Variants in FARSB observed in about 807,000 individuals in gnomAD.
FARSB encodes the protein phenylalanyl-tRNA synthetase subunit beta, also known as phenylalanine--tRNA ligase beta subunit.
Under a neutral mutation model 69.6 loss-of-function variants are expected in FARSB, and 40 were observed. The ratio of observed to expected loss-of-function variants is 0.57; its 90% CI spans 0.45 to 0.75. FARSB has a LOEUF of 0.75. Among genes scored for constraint, FARSB ranks in the 30% least tolerant of loss-of-function variants. The pLI is 0.00. For synonymous variants in FARSB, 235 were observed against 247.2 expected, an observed-to-expected ratio of 0.95 and a Z score of 0.46; for missense variants, 632 against 722.9, an observed-to-expected ratio of 0.87 and a Z score of 1.44.
chr2:222,639,713 A>T lies in FARSB; in HGVS notation c.340-18T>A, dbSNP rs768054882. ...TTAGCTGTCTGAAATTCATAATATC[A>T]TTAGAGATAGCAAACAGTAAGGCTT... On this transcript the variant is annotated intron_variant, in intron 4 of 16. Transcript: ENST00000281828. 1.9e-5 allele frequency: 24 copies of T among 1,234,142 alleles called. No individual in the cohort carries two copies. Among genetic ancestry groups the T allele is most frequent in the Non-Finnish European group, 2.7e-5 (23 of 865,358 alleles). 76.4% of individuals were successfully genotyped at this position (1,234,142 alleles called of 1,614,324 possible).
intron 14 of FARSB, among the ~76,000 whole-genome samples, chr2:222,614,615 TAGG>T (rs1690949981): frequency 1.3e-5 from 2 of 151,950 alleles, no homozygotes; most frequent in Admixed American, 1.3e-4. Flanking sequence ...GAAGCCGAGG[TAGG>T]AGGAACACTT....
chr2:222,635,648 C>T (rs572088065), intron 5 of FARSB, among the ~76,000 whole-genome samples: 52 of 152,146 alleles, frequency 3.4e-4, no homozygotes, highest in Admixed American at 1.0e-3. Flanking sequence ...AACAGTACCT[C>T]AAAACATCAC....
chr2:222,575,574 C>T (rs995148442), intron 16 of FARSB, among the ~76,000 whole-genome samples: 1 of 152,252 alleles, frequency 6.6e-6, no homozygotes, highest in Admixed American at 6.5e-5. Context: ...TTTCTACCTA[C>T]TTCCTTATAC....
At chr2:222,606,803 T>C (rs1690713866) in intron 15 of FARSB, among the ~76,000 whole-genome samples, 1 of 152,208 alleles carries the variant, frequency 6.6e-6, no homozygotes, top group Admixed American at 6.5e-5. Flanking sequence ...TATGTTATCA[T>C]ACATGGCACA....
At position 222,624,495 on chromosome 2, in the gene FARSB, A is replaced by G. The variant is rs926482139; in HGVS notation, c.963-16T>C. 7 of 1,529,458 alleles carry G rather than the reference A, an allele frequency of 4.6e-6. No individual in the cohort carries two copies. Among genetic ancestry groups the G allele is most frequent in the Non-Finnish European group, 6.3e-6 (7 of 1,103,702 alleles). 94.7% of individuals were successfully genotyped at this position (1,529,458 alleles called of 1,614,324 possible). On this transcript the variant is annotated splice_polypyrimidine_tract_variant and intron_variant, in intron 11 of 16. Coordinates refer to ENST00000281828, the MANE Select transcript of FARSB (RefSeq NM_005687.5). ...TGGAGTTTCTCTGAAAAAGGAATGA[A>G]CAAACCATAAACTTCATTGGATTAT...
At chr2:222,615,772 T>G (rs916643541) in intron 14 of FARSB, among the ~76,000 whole-genome samples, 22 of 152,216 alleles carry the variant, frequency 1.4e-4, no homozygotes, top group Non-Finnish European at 8.8e-5. Flanking sequence ...AAAGAGAACG[T>G]CTTTCCCATC....
intron 9 of FARSB, among the ~76,000 whole-genome samples, chr2:222,629,176 C>A (rs1050840050): frequency 6.6e-6 from 1 of 152,092 alleles, no homozygotes; most frequent in Non-Finnish European, 1.5e-5. Flanking sequence ...TACTGACACA[C>A]ACATTCTAGG....
At position 222,618,128 on chromosome 2, in the gene FARSB, T is replaced by C. The variant is rs1479912590; in HGVS notation, c.1344+1517A>G. Reference sequence around the variant, plus strand: ...ACTCATTACTACAATCCTTCCAAAATTAGTATAAGGATTCTTCAAAGTTCT... The same window carrying C: ...ACTCATTACTACAATCCTTCCAAAACTAGTATAAGGATTCTTCAAAGTTCT... On this transcript the variant is annotated intron_variant, in intron 14 of 16. Coordinates refer to ENST00000281828, the MANE Select transcript of FARSB (RefSeq NM_005687.5). Among the ~76,000 whole-genome samples the C allele has an allele frequency of 2.0e-5, 3 of 152,140 alleles. No individual in the cohort carries two copies. The East Asian group carries it at 5.8e-4, about 29-fold the overall frequency.
chr2:222,614,075 T>G lies in FARSB; in HGVS notation c.1345-147A>C, dbSNP rs1690936096. 8.9e-6 allele frequency: 4 copies of G among 451,150 alleles called. No homozygotes were observed. The East Asian group carries it at 9.4e-5, about 11-fold the overall frequency. 27.9% of individuals were successfully genotyped at this position (451,150 alleles called of 1,614,324 possible). On this transcript the variant is annotated intron_variant, in intron 14 of 16. Coordinates refer to ENST00000281828, the MANE Select transcript of FARSB (RefSeq NM_005687.5). Reference sequence around the variant, plus strand: ...TTGCCCTAAAATATCCAAGTCACTTTCAATTTTCAATTCCAGGACACTGAA... The same window carrying G: ...TTGCCCTAAAATATCCAAGTCACTTGCAATTTTCAATTCCAGGACACTGAA...
intron 16 of FARSB, among the ~76,000 whole-genome samples, chr2:222,590,814 T>C (rs1348627179): frequency 6.6e-6 from 1 of 152,198 alleles, no homozygotes; most frequent in Non-Finnish European, 1.5e-5. Context: ...GTACTGATCA[T>C]TGTTGAAATT....
intron 3 of FARSB, among the ~76,000 whole-genome samples, chr2:222,641,384 G>A (rs1436944456): frequency 6.6e-6 from 1 of 152,230 alleles, no homozygotes; most frequent in Non-Finnish European, 1.5e-5. Context: ...TGAAGACAAA[G>A]ATTTGGTAAA....
At chr2:222,645,927 C>T (rs8179677) in intron 2 of FARSB, among the ~76,000 whole-genome samples, 45,503 of 151,888 alleles carry the variant, frequency 0.3, 7,546 homozygotes, top group Non-Finnish European at 0.37. Flanking sequence ...GAATCTGTTA[C>T]TGTAGAAATT....
Position 222,643,179 on chromosome 2 carries a change from A to G in FARSB, c.115-174T>C, listed in dbSNP as rs551001376. ...CATGAAAATATTAAGTGTTATAATC[A>G]TAGCAGACAGAAAAATACTTCAGCT... On this transcript the variant is annotated intron_variant, in intron 2 of 16. Transcript: ENST00000281828. 2.0e-5 allele frequency among the ~76,000 whole-genome samples: 3 copies of G among 152,408 alleles called. No homozygotes were observed. The South Asian group carries it at 6.2e-4, about 32-fold the overall frequency.
At chr2:222,649,084 G>C (rs370081667) in intron 1 of FARSB, among the ~76,000 whole-genome samples, 1 of 151,990 alleles carries the variant, frequency 6.6e-6, no homozygotes, top group East Asian at 1.9e-4. Flanking sequence ...AAATTAGCCA[G>C]GCATGGTGGC....
At chr2:222,648,905 T>C (rs1276737681) in intron 1 of FARSB, 110 bp from the exon 2 acceptor site, 1 of 770,308 alleles carries the variant, frequency 1.3e-6, no homozygotes. Flanking sequence ...ATCATACTAC[T>C]AAATATCAGG....
At chr2:222,640,507 C>A (rs1316344061) in intron 4 of FARSB, among the ~76,000 whole-genome samples, 1 of 149,960 alleles carries the variant, frequency 6.7e-6, no homozygotes, top group East Asian at 2.0e-4. Flanking sequence ...GTCTGTACTC[C>A]CAAATACTCA....
chr2:222,599,773 AG>A (rs1430399684), intron 16 of FARSB, among the ~76,000 whole-genome samples, 154 bp downstream of exon 16: 1 of 152,240 alleles, frequency 6.6e-6, no homozygotes, highest in African/African-American at 2.4e-5. Context: ...CTGGAGGGAA[AG>A]GGGATATTTT....
intron 16 of FARSB, among the ~76,000 whole-genome samples, chr2:222,597,982 C>G (rs1690464761): frequency 2.0e-5 from 3 of 152,196 alleles, no homozygotes; most frequent in Admixed American, 6.5e-5. Context: ...TCCTTCCTCA[C>G]CCTATAGCCA....
intron 16 of FARSB, among the ~76,000 whole-genome samples, chr2:222,598,397 TA>T (rs1416563323): frequency 6.6e-6 from 1 of 152,212 alleles, no homozygotes; most frequent in Non-Finnish European, 1.5e-5. Flanking sequence ...ATTATCCATC[TA>T]AAGGTTACAC....
Sources: gnomAD v4.1 joint callset for allele counts (sites outside exome capture counted in the v4.1 genomes callset) on GRCh38, gnomAD v4.1.1 for gene constraint, MANE v1.5 for transcripts, NCBI Gene and HGNC (gene_info 2026-07-23, HGNC 2026-07-21) for gene names.